Variants in FAM193A observed in about 807,000 individuals in gnomAD.
FAM193A encodes the protein protein FAM193A.
Under a neutral mutation model 126.5 loss-of-function variants are expected in FAM193A, and 22 were observed. That is an observed-to-expected ratio of 0.17 (90% CI 0.12 to 0.25). The LOEUF is 0.25. Among genes scored for constraint, FAM193A ranks in the 10% least tolerant of loss-of-function variants. The pLI is 1.00. For missense variants in FAM193A, 1,675 were observed against 1,672.8 expected (o/e 1.00, Z -0.02); for synonymous variants, 761 against 646.8 (o/e 1.18, Z -2.68).
At chr4:2,656,500 C>T (rs566738173) in intron 7 of FAM193A, among the ~76,000 whole-genome samples, 66 of 152,290 alleles carry the variant, frequency 4.3e-4, no homozygotes, top group Non-Finnish European at 8.2e-4. Flanking sequence ...CAGGGTAGAG[C>T]GGCCCCAGCG....
chr4:2,543,173 C>T (rs189562990), intron 1 of FAM193A, among the ~76,000 whole-genome samples: 3 of 151,852 alleles, frequency 2.0e-5, no homozygotes, highest in Admixed American at 6.6e-5. Flanking sequence ...CTGCAACCTC[C>T]GCCTCCCGGG....
chr4:2,702,769 G>A (rs978576336), intron 19 of FAM193A, among the ~76,000 whole-genome samples: 21 of 152,292 alleles, frequency 1.4e-4, no homozygotes, highest in Middle Eastern at 6.8e-3. Context: ...GCCCTTACCC[G>A]ATGGAAAACT....
intron 1 of FAM193A, among the ~76,000 whole-genome samples, chr4:2,562,312 T>C (rs922221873): frequency 2.0e-5 from 3 of 152,032 alleles, no homozygotes; most frequent in Non-Finnish European, 4.4e-5. Flanking sequence ...ATCAGCTGGC[T>C]GCGGTGGTGC....
chr4:2,597,996 C>G (rs71608211), intron 2 of FAM193A, among the ~76,000 whole-genome samples: 1,647 of 152,248 alleles, frequency 0.011, 12 homozygotes, highest in South Asian at 0.02. Flanking sequence ...CCTCCGCCTC[C>G]CGGGTTCAAG....
At chr4:2,670,972 C>G (rs887762930) in intron 12 of FAM193A, among the ~76,000 whole-genome samples, 1 of 152,092 alleles carries the variant, frequency 6.6e-6, no homozygotes. Flanking sequence ...CAGCTTACTT[C>G]TTCTCTTCTC....
At chr4:2,620,342 T>C (rs1232129660) in intron 2 of FAM193A, among the ~76,000 whole-genome samples, 1 of 152,136 alleles carries the variant, frequency 6.6e-6, no homozygotes, top group Non-Finnish European at 1.5e-5. Context: ...TGATGTACCA[T>C]AGTGAGCAAG....
chr4:2,698,410 G>C (rs71608225), intron 18 of FAM193A, among the ~76,000 whole-genome samples: 4,934 of 152,316 alleles, frequency 0.032, 98 homozygotes, highest in South Asian at 0.07. Context: ...ACACTGGACT[G>C]CAGGACCCAT....
At chr4:2,574,791 A>T (rs1225594497) in intron 1 of FAM193A, among the ~76,000 whole-genome samples, 1 of 152,216 alleles carries the variant, frequency 6.6e-6, no homozygotes, top group Non-Finnish European at 1.5e-5. Context: ...TTAAAAAGAA[A>T]CATTTAAAAA....
At chr4:2,599,588 T>C (rs1741074205) in intron 2 of FAM193A, among the ~76,000 whole-genome samples, 1 of 152,242 alleles carries the variant, frequency 6.6e-6, no homozygotes, top group African/African-American at 2.4e-5. Flanking sequence ...GTTGCAAATT[T>C]CTCTGGAGAC....
chr4:2,578,044 T>C (rs1471438095), intron 1 of FAM193A, among the ~76,000 whole-genome samples: 1 of 152,158 alleles, frequency 6.6e-6, no homozygotes, highest in Non-Finnish European at 1.5e-5. Context: ...TACTAAATAT[T>C]CTTAGGACTG....
chr4:2,727,980 T>C (rs1720943427), intron 20 of FAM193A, among the ~76,000 whole-genome samples: 1 of 151,878 alleles, frequency 6.6e-6, no homozygotes, highest in Non-Finnish European at 1.5e-5. Context: ...AGTTTTGCTC[T>C]AGTTGCCCAG....
At chr4:2,730,412 C>T (rs932928016) in intron 20 of FAM193A, among the ~76,000 whole-genome samples, 1 of 152,084 alleles carries the variant, frequency 6.6e-6, no homozygotes, top group Non-Finnish European at 1.5e-5. Flanking sequence ...TCTTGGAGGC[C>T]GGGCGCGGTG....
chr4:2,681,275 C>T (rs115747257), intron 13 of FAM193A, among the ~76,000 whole-genome samples: 2,565 of 151,220 alleles, frequency 0.017, 57 homozygotes, highest in African/African-American at 0.049. Flanking sequence ...TTTCTCTTTT[C>T]AAAGAACTAT....
chr4:2,603,291 T>G (rs201082072), intron 2 of FAM193A, among the ~76,000 whole-genome samples: 1 of 12 alleles, frequency 0.083, no homozygotes, highest in East Asian at 0.25. Flanking sequence ...GCTTTTTTTG[T>G]TTTTTTTTTT....
At chr4:2,719,072 C>G (rs925906093) in intron 20 of FAM193A, among the ~76,000 whole-genome samples, 2 of 152,144 alleles carry the variant, frequency 1.3e-5, no homozygotes, top group African/African-American at 4.8e-5. Flanking sequence ...AGTGAATACT[C>G]CCTACTTTGT....
intron 13 of FAM193A, among the ~76,000 whole-genome samples, chr4:2,673,119 C>T (rs1450408423): frequency 6.6e-6 from 1 of 152,194 alleles, no homozygotes; most frequent in African/African-American, 2.4e-5. Flanking sequence ...TTATTTTGAG[C>T]TTAACTTTAC....
chr4:2,691,372 C>T (rs371745400), intron 15 of FAM193A, among the ~76,000 whole-genome samples: 7 of 152,332 alleles, frequency 4.6e-5, no homozygotes, highest in East Asian at 3.9e-4. Flanking sequence ...CCCACCACCA[C>T]GCACGGCTAA....
chr4:2,581,485 C>T (rs1739937462), intron 1 of FAM193A, among the ~76,000 whole-genome samples: 1 of 151,990 alleles, frequency 6.6e-6, no homozygotes, highest in Non-Finnish European at 1.5e-5. Flanking sequence ...GACTCCTGAG[C>T]TCAGGCAATC....
At chr4:2,660,315 C>G (rs777545875) in intron 10 of FAM193A, among the ~76,000 whole-genome samples, 2 of 152,132 alleles carry the variant, frequency 1.3e-5, no homozygotes, top group Non-Finnish European at 2.9e-5. Context: ...GAAGAAGTGT[C>G]TCTAATTCCG....
Sources: gnomAD v4.1 joint callset for allele counts (sites outside exome capture counted in the v4.1 genomes callset) on GRCh38, gnomAD v4.1.1 for gene constraint, MANE v1.5 for transcripts, NCBI Gene and HGNC (gene_info 2026-07-23, HGNC 2026-07-21) for gene names.